The following NCAPD2 variants were observed in gnomAD, a reference collection of about 807,000 sequenced individuals.
NCAPD2 encodes the protein non-SMC condensin I complex subunit D2, also known as condensin complex subunit 1.
NCAPD2 carries 100 observed loss-of-function variants against 164.5 expected under a neutral mutation model. That is an observed-to-expected ratio of 0.61 (90% CI 0.52 to 0.72). NCAPD2 has a LOEUF of 0.72. NCAPD2 is among the 30% of genes least tolerant of loss of function. The probability of loss-of-function intolerance (pLI) is 0.00; values close to 1 mark genes in which losing one functional copy is unlikely to be tolerated. For synonymous variants in NCAPD2, 585 were observed against 642.6 expected, an observed-to-expected ratio of 0.91 and a Z score of 1.36; for missense variants, 1,560 against 1,749.2, an observed-to-expected ratio of 0.89 and a Z score of 1.93.
In NCAPD2 at chr12:6,511,656, T is replaced by C. The variant is rs147152375; in HGVS notation, c.587+404T>C. Among the ~76,000 whole-genome samples the C allele has an allele frequency of 4.2e-3, 641 of 151,986 alleles. 1 individual carries two copies. Among genetic ancestry groups the C allele is most frequent in the Middle Eastern group, 0.01 (3 of 294 alleles). On this transcript the variant is annotated intron_variant, in intron 6 of 31. Coordinates refer to ENST00000315579, the MANE Select transcript of NCAPD2 (RefSeq NM_014865.4). ...AAGTCTATTTTTAAAATAAGTAAAA[T>C]AAGTTTGATGGAAGAAGGTTGTGAT...
chr12:6,499,777 G>T (rs1274304129), intron 2 of NCAPD2, among the ~76,000 whole-genome samples: 2 of 152,174 alleles, frequency 1.3e-5, no homozygotes, highest in African/African-American at 4.8e-5. Context: ...ACACAGATTG[G>T]TGAGGACCAC....
At position 6,527,884 on chromosome 12, in the gene NCAPD2, G is replaced by T. The variant is rs1946331430; in HGVS notation, c.3015G>T (p.Leu1005Phe). ...GTGGCATCTGCGAGATGGAACTGTT[G>T]GATGGTAAGAAAAATGGCTGCACTC... Reference protein sequence around the residue: ...LIRGICEMELLDGKQTLAAFV... With the variant: ...LIRGICEMELFDGKQTLAAFV... The change falls in exon 23 of 32, where the codon TTG (leucine) becomes TTT (phenylalanine). Residue 1005 changes from leucine to phenylalanine, a missense_variant. Leu to Phe is a conservative substitution (Grantham distance 22). Transcript: ENST00000315579. 6.2e-6 allele frequency: 10 copies of T among 1,613,674 alleles called. No homozygotes were observed. The East Asian group carries it at 2.2e-4, about 36-fold the overall frequency.
chr12:6,494,420 G>A (rs902266709), intron 1 of NCAPD2, among the ~76,000 whole-genome samples: 1 of 152,086 alleles, frequency 6.6e-6, no homozygotes, highest in African/African-American at 2.4e-5. Context: ...TTCAATTTCC[G>A]CTCTGTAAAC....
chr12:6,513,715 C>CTTTTTTTTTTTTTTTT (rs71067124), intron 6 of NCAPD2, among the ~76,000 whole-genome samples: 1,255 of 74,780 alleles, frequency 0.017, 308 homozygotes, highest in African/African-American at 0.029. Flanking sequence ...GTGACTTTGT[C>CTTTTTTTTTTTTTTTT]TTTTTTTTTT....
rs756811614 is a variant in NCAPD2, at chr12:6,517,928, A to G, written c.1558A>G (p.Ile520Val). The change falls in exon 13 of 32, where the codon ATC (isoleucine) becomes GTC (valine). Residue 520 changes from isoleucine (I) to valine (V), a missense_variant. Transcript: ENST00000315579. ...TETTEDVKGR[I>V]YQLLAKASYK... Reference sequence around the variant, plus strand: ...GACAACTGAAGATGTGAAAGGACGCATCTATCAACTGCTTGCCAAAGCTAG... The same window carrying G: ...GACAACTGAAGATGTGAAAGGACGCGTCTATCAACTGCTTGCCAAAGCTAG... 6.2e-7 allele frequency: 1 copy of G among 1,613,922 alleles called. No homozygotes were observed. The highest frequency in any genetic ancestry group is 1.3e-5 in the African/African-American group (1 of 74,944).
chr12:6,515,845 A>G (rs780211438), intron 9 of NCAPD2, among the ~76,000 whole-genome samples: 1 of 150,536 alleles, frequency 6.6e-6, no homozygotes, highest in Non-Finnish European at 1.5e-5. Flanking sequence ...TCTGTCAGTA[A>G]AGCATCTGAA....
intron 2 of NCAPD2, among the ~76,000 whole-genome samples, 179 bp downstream of exon 2, chr12:6,495,404 T>C (rs531913148): frequency 6.6e-6 from 1 of 152,368 alleles, no homozygotes; most frequent in East Asian, 1.9e-4. Context: ...AAAGAGTACA[T>C]TCATTAACTT....
chr12:6,514,560 T>C lies in NCAPD2; in HGVS notation c.812T>C (p.Met271Thr). Residue 271 changes from methionine (M) to threonine (T), a missense_variant, in exon 8 of 32, where the codon ATG becomes ACG. Coordinates refer to ENST00000315579, the MANE Select transcript of NCAPD2 (RefSeq NM_014865.4). ...AVSLWATDYG[M>T]KSIVGEIVRE... ...AGTCTATGGGCAACTGACTATGGAA[T>C]GAAGAGCATAGTGGGAGAGATTGTA... 1 of 1,614,226 alleles carries C rather than the reference T, an allele frequency of 6.2e-7. No individual in the cohort carries two copies. The highest frequency in any genetic ancestry group is 8.5e-7 in the Non-Finnish European group (1 of 1,180,044).
chr12:6,518,033 T>G, intron 13 of NCAPD2, 74 bp downstream of exon 13: 5 of 1,446,754 alleles, frequency 3.5e-6, no homozygotes, highest in Non-Finnish European at 4.8e-6. Flanking sequence ...TTACATAATG[T>G]GTCTTTTAAA....
intron 6 of NCAPD2, among the ~76,000 whole-genome samples, chr12:6,511,719 C>T (rs1268748623): frequency 2.6e-5 from 4 of 152,108 alleles, no homozygotes; most frequent in Admixed American, 6.5e-5. Context: ...CGGTGGCTCA[C>T]GCCTATAATC....
rs1173461658 is a variant in NCAPD2 at position 6,526,388 on chromosome 12, G to T, written c.2566+17G>T. The T allele has an allele frequency of 6.2e-7, 1 of 1,614,158 alleles. No individual in the cohort carries two copies. The highest frequency in any genetic ancestry group is 1.1e-5 in the South Asian group (1 of 91,080). ...TCACAAAAGGTGAGCTCTCAGGGAA[G>T]GCCTTGGGCAGAATTGGGCCCTTTG... is the stretch of plus-strand genomic sequence containing the variant. On this transcript the variant is annotated intron_variant, in intron 20 of 31. Coordinates refer to ENST00000315579, the MANE Select transcript of NCAPD2 (RefSeq NM_014865.4).
At chr12:6,497,159 A>T (rs559322791) in intron 2 of NCAPD2, among the ~76,000 whole-genome samples, 3 of 152,328 alleles carry the variant, frequency 2.0e-5, no homozygotes, top group South Asian at 4.1e-4. Flanking sequence ...TGCCTAATGG[A>T]TGGCAAACCA....
intron 6 of NCAPD2, 142 bp from the exon 7 acceptor site, chr12:6,514,123 A>C: frequency 8.4e-7 from 1 of 1,192,188 alleles, no homozygotes; most frequent in Non-Finnish European, 1.2e-6. Context: ...AGCAAAGCAA[A>C]GCAACTTGTT....
rs770118614 is a variant in NCAPD2, at chr12:6,527,977, C to G, written c.3029C>G (p.Thr1010Arg). ...GTTACTCTTCCAACAGGCAAACAGA[C>G]ACTGGCTGCCTTTGTTCCACTCTTG... ...CEMELLDGKQ[T>R]LAAFVPLLLK... Residue 1010 changes from threonine to arginine, a missense_variant, in exon 24 of 32, where the codon ACA becomes AGA. By Grantham distance (71) the Thr-to-Arg change is moderately conservative (BLOSUM62 -1). Transcript: ENST00000315579. 1.7e-5 allele frequency: 28 copies of G among 1,614,130 alleles called. No homozygotes were observed. In the Admixed American group the frequency reaches 2.7e-4, roughly 15 times the overall value.
chr12:6,500,140 AGT>A (rs1021874744), intron 2 of NCAPD2, among the ~76,000 whole-genome samples: 3 of 152,094 alleles, frequency 2.0e-5, no homozygotes, highest in Non-Finnish European at 4.4e-5. Context: ...AAAAAAAAGA[AGT>A]GTACTGGGAA....
Position 6,531,155 on chromosome 12 carries a change from CG to C in NCAPD2, c.4120+84del. 6.4e-7 allele frequency: 1 copy of C among 1,574,704 alleles called. No individual in the cohort carries two copies. The highest frequency in any genetic ancestry group is 8.7e-7 in the Non-Finnish European group (1 of 1,153,452). Reference sequence around the variant, plus strand: ...GGGCTGGTTTCCATAGGACCTGCTGCGGGGGCCTGAGTGTAGATGCTCTGCC... The same window carrying C: ...GGGCTGGTTTCCATAGGACCTGCTGCGGGGCCTGAGTGTAGATGCTCTGCC... On this transcript the variant is annotated intron_variant, in intron 31 of 31. Transcript: ENST00000315579. This position sits in a 1 kb window ranked among gnomAD's most constrained non-coding sequence, Gnocchi z 4.1.
At chr12:6,523,398 GT>G (rs3076239) in intron 17 of NCAPD2, 52 bp downstream of exon 17, 20,051 of 867,338 alleles carry the variant, frequency 0.023, 1 homozygote, top group East Asian at 0.031. Flanking sequence ...TATTTTGGTT[GT>G]TTTTTTTTTT....
intron 15 of NCAPD2, 115 bp from the exon 16 acceptor site, chr12:6,522,713 A>C: frequency 1.7e-6 from 2 of 1,150,040 alleles, no homozygotes; most frequent in Middle Eastern, 2.0e-4. Context: ...CGACATTCTC[A>C]GGGAAAATGC....
At chr12:6,504,216 T>TGTATATATATATATATATACAC (rs1946075844) in intron 2 of NCAPD2, among the ~76,000 whole-genome samples, 1 of 23,224 alleles carries the variant, frequency 4.3e-5, no homozygotes, top group Non-Finnish European at 7.8e-5. Flanking sequence ...TATATATATA[T>TGTATATATATATATATATACAC]AGATATAGAT....
Sources: allele counts gnomAD v4.1 joint callset (sites outside exome capture counted in the v4.1 genomes callset), GRCh38; gene constraint gnomAD v4.1.1; non-coding constraint Gnocchi (gnomAD v3.1); transcripts MANE v1.5; gene names NCBI Gene and HGNC (gene_info 2026-07-23, HGNC 2026-07-21).